ZBTB20: variants seen among roughly 807,000 people sequenced by gnomAD.
The protein encoded by ZBTB20 is zinc finger and BTB domain containing 20.
ZBTB20 carries 9 observed loss-of-function variants against 56.9 expected under a neutral mutation model. The observed-to-expected ratio is 0.16, with a 90% CI of 0.10 to 0.28. The LOEUF (loss-of-function observed/expected upper bound fraction) is 0.28. ZBTB20 is among the 10% of genes least tolerant of loss of function. ZBTB20 has a pLI of 1.00. For synonymous variants in ZBTB20, 417 were observed against 420.7 expected (o/e 0.99, Z 0.11); for missense variants, 655 against 1,003.0 (o/e 0.65, Z 4.69).
At chr3:115,142,925 A>G (rs2084858847) in intron 1 of ZBTB20, among the ~76,000 whole-genome samples, 2 of 152,126 alleles carry the variant, frequency 1.3e-5, no homozygotes, top group African/African-American at 4.8e-5. Context: ...GGGCTGGAGG[A>G]GGGAGGATTG....
chr3:114,698,191 C>T (rs2063167563), intron 5 of ZBTB20, among the ~76,000 whole-genome samples: 1 of 151,966 alleles, frequency 6.6e-6, no homozygotes. Context: ...TTCTATTTTA[C>T]CCATCTCCTT....
At chr3:114,348,993 A>C (rs925161982) in intron 11 of ZBTB20, among the ~76,000 whole-genome samples, 1 of 152,120 alleles carries the variant, frequency 6.6e-6, no homozygotes, top group African/African-American at 2.4e-5. Flanking sequence ...TGAGCTCAGG[A>C]GTTTGAGACC....
chr3:114,697,374 T>C (rs1424445301), intron 5 of ZBTB20, among the ~76,000 whole-genome samples: 1 of 152,068 alleles, frequency 6.6e-6, no homozygotes, highest in Non-Finnish European at 1.5e-5. Context: ...TAACCCATCA[T>C]ACAGGTCACG....
At chr3:115,052,145 G>T (rs1231617260) in intron 2 of ZBTB20, among the ~76,000 whole-genome samples, 1 of 152,014 alleles carries the variant, frequency 6.6e-6, no homozygotes, top group Admixed American at 6.6e-5. Context: ...ACAATTTAAT[G>T]ATATAATAAA....
At chr3:114,802,668 A>T (rs149152538) in intron 4 of ZBTB20, among the ~76,000 whole-genome samples, 38 of 152,020 alleles carry the variant, frequency 2.5e-4, no homozygotes, top group African/African-American at 9.2e-4. Flanking sequence ...GAAACTGACA[A>T]AAATAACTTG....
At chr3:114,631,695 T>C (rs1024226205) in intron 6 of ZBTB20, among the ~76,000 whole-genome samples, 2 of 152,064 alleles carry the variant, frequency 1.3e-5, no homozygotes, top group East Asian at 1.9e-4. Flanking sequence ...CAGCAAAATA[T>C]AGGTTACTGT....
chr3:114,446,046 T>A (rs1435645603), intron 7 of ZBTB20, among the ~76,000 whole-genome samples: 1 of 152,134 alleles, frequency 6.6e-6, no homozygotes, highest in African/African-American at 2.4e-5. Flanking sequence ...GTTCTTTTTA[T>A]GGTCATGGTA....
chr3:114,409,286 C>A (rs949887532), intron 7 of ZBTB20, among the ~76,000 whole-genome samples: 2 of 151,970 alleles, frequency 1.3e-5, no homozygotes, highest in African/African-American at 4.8e-5. Flanking sequence ...AATCAGAATG[C>A]TCTTGCCTAC....
intron 3 of ZBTB20, among the ~76,000 whole-genome samples, chr3:114,970,737 C>T (rs868097667): frequency 6.6e-6 from 1 of 152,066 alleles, no homozygotes; most frequent in Admixed American, 6.5e-5. Flanking sequence ...ATAATGCAGC[C>T]GGGGGCGGTG....
intron 1 of ZBTB20, among the ~76,000 whole-genome samples, chr3:115,134,321 T>C (rs918051571): frequency 2.0e-5 from 3 of 152,230 alleles, no homozygotes; most frequent in Admixed American, 2.0e-4. Context: ...ATTTGATATA[T>C]GTTAGCTTAC....
At chr3:114,531,522 T>C (rs2047838287) in intron 6 of ZBTB20, among the ~76,000 whole-genome samples, 1 of 152,186 alleles carries the variant, frequency 6.6e-6, no homozygotes, top group Non-Finnish European at 1.5e-5. Context: ...ATTATCAGCC[T>C]GAAGAGAACC....
At chr3:114,468,455 A>ACAT (rs1334855453) in intron 7 of ZBTB20, among the ~76,000 whole-genome samples, 1 of 152,184 alleles carries the variant, frequency 6.6e-6, no homozygotes, top group African/African-American at 2.4e-5. Context: ...CTGCTTTGAC[A>ACAT]CATCACTTTA....
chr3:114,643,458 G>A (rs2059664236), intron 6 of ZBTB20, among the ~76,000 whole-genome samples: 1 of 152,100 alleles, frequency 6.6e-6, no homozygotes. Flanking sequence ...ATGCTGTGTT[G>A]CACATTCTTC....
chr3:114,567,318 A>G (rs1040099623), intron 6 of ZBTB20, among the ~76,000 whole-genome samples: 4 of 152,212 alleles, frequency 2.6e-5, no homozygotes, highest in Non-Finnish European at 2.9e-5. Context: ...TGAAATCAAT[A>G]AACAGTGCTA....
At chr3:114,387,618 T>C (rs939513665) in intron 8 of ZBTB20, 1 of 152,228 alleles carries the variant, frequency 6.6e-6, no homozygotes, top group Non-Finnish European at 1.5e-5. Flanking sequence ...TTAAAGGATA[T>C]AGAAACTTTT....
chr3:115,045,147 G>T (rs963212982), intron 2 of ZBTB20, among the ~76,000 whole-genome samples: 1 of 152,162 alleles, frequency 6.6e-6, no homozygotes, highest in Non-Finnish European at 1.5e-5. Context: ...AAAAGCCTCT[G>T]TGGGACCCAA....
chr3:114,402,427 T>C (rs774742181), intron 7 of ZBTB20, among the ~76,000 whole-genome samples: 1 of 152,166 alleles, frequency 6.6e-6, no homozygotes, highest in Non-Finnish European at 1.5e-5. Flanking sequence ...GGAAAAATAC[T>C]AATTTCTCAG....
At chr3:114,832,899 T>C (rs569150501) in intron 4 of ZBTB20, among the ~76,000 whole-genome samples, 51 of 152,280 alleles carry the variant, frequency 3.3e-4, no homozygotes, top group Non-Finnish European at 6.5e-4. Context: ...TTTTGGAACA[T>C]GTACAATTTC....
intron 5 of ZBTB20, among the ~76,000 whole-genome samples, chr3:114,725,034 A>T (rs1049324759): frequency 1.1e-4 from 16 of 152,160 alleles, no homozygotes; most frequent in African/African-American, 3.9e-4. Flanking sequence ...CATCCAGGTG[A>T]TTCTGACTCA....
Sources: allele counts gnomAD v4.1 joint callset (sites outside exome capture counted in the v4.1 genomes callset), GRCh38; gene constraint gnomAD v4.1.1; transcripts MANE v1.5; gene names NCBI Gene and HGNC (gene_info 2026-07-23, HGNC 2026-07-21).